The following PTPRD variants were observed in gnomAD, a reference collection of about 807,000 sequenced individuals.
PTPRD encodes protein tyrosine phosphatase receptor type D.
Under a neutral mutation model 214.5 loss-of-function variants are expected in PTPRD, and 34 were observed. That is an observed-to-expected ratio of 0.16 (90% CI 0.12 to 0.21). The LOEUF is 0.21. Ranked by LOEUF, PTPRD falls within the 10% of genes least tolerant of loss-of-function variation. PTPRD has a pLI of 1.00. For missense variants in PTPRD, 2,545 were observed against 2,398.7 expected, an observed-to-expected ratio of 1.06 and a Z score of -1.27; for synonymous variants, 1,128 against 845.7, an observed-to-expected ratio of 1.33 and a Z score of -5.79.
chr9:9,361,377 G>T (rs10977681), intron 9 of PTPRD, among the ~76,000 whole-genome samples: 30,411 of 150,716 alleles, frequency 0.2, 3,513 homozygotes, highest in East Asian at 0.34. Context: ...AAGCTGCTTT[G>T]AATTTATTTC....
chr9:9,485,701 G>A (rs1006189300), intron 8 of PTPRD, among the ~76,000 whole-genome samples: 12 of 152,036 alleles, frequency 7.9e-5, no homozygotes, highest in East Asian at 1.9e-4. Context: ...AAAGTATTGC[G>A]ATTCTGGTAC....
chr9:10,110,961 A>G (rs1240356354), intron 3 of PTPRD, among the ~76,000 whole-genome samples: 1 of 152,154 alleles, frequency 6.6e-6, no homozygotes, highest in African/African-American at 2.4e-5. Flanking sequence ...TATTTGATGT[A>G]TGAGGATTTT....
At chr9:9,667,672 G>C (rs1407931145) in intron 7 of PTPRD, among the ~76,000 whole-genome samples, 1 of 152,114 alleles carries the variant, frequency 6.6e-6, no homozygotes, top group African/African-American at 2.4e-5. Flanking sequence ...CATCCAGTTT[G>C]GATTAGCTGC....
At chr9:10,203,757 C>A (rs991238738) in intron 3 of PTPRD, among the ~76,000 whole-genome samples, 4 of 152,120 alleles carry the variant, frequency 2.6e-5, no homozygotes, top group African/African-American at 7.2e-5. Flanking sequence ...ATGCCTGTGA[C>A]AGATACACAA....
At chr9:9,335,929 T>G (rs1337391058) in intron 9 of PTPRD, among the ~76,000 whole-genome samples, 1 of 151,990 alleles carries the variant, frequency 6.6e-6, no homozygotes, top group Middle Eastern at 3.2e-3. Context: ...AATATTCATT[T>G]CCAATAATAG....
chr9:10,512,390 T>A (rs558635941), intron 2 of PTPRD, among the ~76,000 whole-genome samples: 1 of 152,066 alleles, frequency 6.6e-6, no homozygotes, highest in South Asian at 2.1e-4. Flanking sequence ...ATGGTGAGTT[T>A]GCATAGAATA....
intron 33 of PTPRD, among the ~76,000 whole-genome samples, chr9:8,457,790 CAATAAT>C (rs373373460): frequency 9.9e-5 from 15 of 151,644 alleles, no homozygotes; most frequent in East Asian, 1.9e-4. Flanking sequence ...AATATTCTGA[CAATAAT>C]AATAATAATA....
chr9:10,358,491 C>T (rs2097317617), intron 2 of PTPRD, among the ~76,000 whole-genome samples: 1 of 151,790 alleles, frequency 6.6e-6, no homozygotes, highest in African/African-American at 2.4e-5. Flanking sequence ...TTTAGTTTGG[C>T]ACCCTAGTAT....
intron 11 of PTPRD, among the ~76,000 whole-genome samples, chr9:8,770,708 A>C (rs577780344): frequency 2.0e-5 from 3 of 152,288 alleles, no homozygotes; most frequent in Non-Finnish European, 2.9e-5. Context: ...GTTTTATGTA[A>C]TGTATGTTCC....
intron 2 of PTPRD, among the ~76,000 whole-genome samples, chr9:10,431,580 A>G (rs1180363215): frequency 6.6e-6 from 1 of 151,774 alleles, no homozygotes; most frequent in Non-Finnish European, 1.5e-5. Context: ...AACTCAAACA[A>G]ATTTACAAGA....
chr9:9,890,843 T>A, intron 5 of PTPRD, among the ~76,000 whole-genome samples: 1 of 152,134 alleles, frequency 6.6e-6, no homozygotes, highest in Non-Finnish European at 1.5e-5. Flanking sequence ...CACTATATCC[T>A]TCAGACACTC....
chr9:9,336,695 G>T (rs1206578080), intron 9 of PTPRD, among the ~76,000 whole-genome samples: 1 of 152,086 alleles, frequency 6.6e-6, no homozygotes, highest in African/African-American at 2.4e-5. Context: ...ATATCTATGA[G>T]ATATATTATA....
At chr9:8,603,265 C>T (rs546276426) in intron 14 of PTPRD, among the ~76,000 whole-genome samples, 243 of 152,084 alleles carry the variant, frequency 1.6e-3, no homozygotes, top group African/African-American at 5.5e-3. Context: ...AACTACAAGG[C>T]AATTATTAGA....
intron 11 of PTPRD, among the ~76,000 whole-genome samples, chr9:8,994,663 G>C (rs188893313): frequency 8.7e-4 from 133 of 152,064 alleles, no homozygotes; most frequent in African/African-American, 3.1e-3. Context: ...ACGGTTGGAG[G>C]GGGGGTGTTG....
At position 9,960,414 on chromosome 9, in the gene PTPRD, C is replaced by T. The variant is rs138700413; in HGVS notation, c.-471-21804G>A. 1.9e-3 allele frequency among the ~76,000 whole-genome samples: 294 copies of T among 152,174 alleles called. 2 individuals are homozygous for T. Among genetic ancestry groups the T allele is most frequent in the South Asian group, 0.013 (63 of 4,824 alleles). ...AGTGGAGCGTAACTTTCCACTCCTG[C>T]GCTGTGGCCTCTATGTAGGGACTTG... On this transcript the variant is annotated intron_variant, in intron 4 of 45. Transcript: ENST00000381196.
chr9:8,743,775 G>C (rs896389074), intron 11 of PTPRD, among the ~76,000 whole-genome samples: 2 of 145,746 alleles, frequency 1.4e-5, no homozygotes, highest in Non-Finnish European at 3.0e-5. Context: ...AACTAAAAAA[G>C]CTTCTGCACA....
At chr9:10,528,038 C>G (rs1405939360) in intron 2 of PTPRD, among the ~76,000 whole-genome samples, 2 of 152,076 alleles carry the variant, frequency 1.3e-5, no homozygotes, top group Non-Finnish European at 2.9e-5. Context: ...TCCTTTCTCA[C>G]AAAACCTCAA....
intron 2 of PTPRD, among the ~76,000 whole-genome samples, chr9:10,460,926 A>AG: frequency 6.6e-6 from 1 of 152,270 alleles, no homozygotes; most frequent in South Asian, 2.1e-4. Flanking sequence ...TCTCAGCAAA[A>AG]GAAAAAATCA....
chr9:9,876,240 C>T (rs888416314), intron 5 of PTPRD, among the ~76,000 whole-genome samples: 12 of 152,092 alleles, frequency 7.9e-5, no homozygotes, highest in African/African-American at 2.9e-4. Flanking sequence ...TGTACACAAT[C>T]AGATTTTTCT....
Sources: allele counts gnomAD v4.1 joint callset (sites outside exome capture counted in the v4.1 genomes callset), GRCh38; gene constraint gnomAD v4.1.1; transcripts MANE v1.5; gene names NCBI Gene and HGNC (gene_info 2026-07-23, HGNC 2026-07-21).